Variants in ASIC5 observed in about 807,000 individuals in gnomAD.
The protein encoded by ASIC5 is bile acid-sensitive ion channel.
Under a neutral mutation model 51.2 loss-of-function variants are expected in ASIC5, and 52 were observed. The ratio of observed to expected loss-of-function variants is 1.02; its 90% confidence interval spans 0.81 to 1.28. The LOEUF (loss-of-function observed/expected upper bound fraction) is 1.28. Among genes scored for constraint, ASIC5 ranks in the 50% most tolerant of loss-of-function variants. The probability of loss-of-function intolerance (pLI) is 0.00; values close to 1 mark genes in which losing one functional copy is unlikely to be tolerated. For synonymous variants in ASIC5, 231 were observed against 200.7 expected (o/e 1.15, Z -1.28); for missense variants, 635 against 595.0 (o/e 1.07, Z -0.70).
chr4:155,859,513 G>T (rs953843943), intron 2 of ASIC5, among the ~76,000 whole-genome samples: 1 of 151,862 alleles, frequency 6.6e-6, no homozygotes, highest in Non-Finnish European at 1.5e-5. Flanking sequence ...CTTCATCTCA[G>T]GTGTCCATTT....
chr4:155,836,851 A>G lies in ASIC5; in HGVS notation c.1073T>C (p.Ile358Thr), dbSNP rs755762173. The change falls in exon 8 of 10, where the codon ATT (isoleucine) becomes ACT (threonine). Residue 358 changes from isoleucine to threonine, a missense_variant. Ile to Thr is a moderately conservative substitution (Grantham distance 89). Transcript: ENST00000537611. ...FSCVSPVLDH[I>T]EFKDLCTVGT... ...TACTGTACATAAATCCTTAAATTCA[A>G]TGTGGTCTGAAATGAAAATCAGGAC... The G allele has an allele frequency of 7.5e-6, 12 of 1,590,476 alleles. No individual in the cohort carries two copies. Among genetic ancestry groups the G allele is most frequent in the East Asian group, 4.5e-5 (2 of 44,256 alleles).
chr4:155,861,848 C>T (rs1741715457), intron 2 of ASIC5, among the ~76,000 whole-genome samples: 1 of 151,976 alleles, frequency 6.6e-6, no homozygotes. Context: ...CTTATAAGAA[C>T]TTCAGTCATT....
intron 2 of ASIC5, among the ~76,000 whole-genome samples, chr4:155,858,600 A>G (rs1038915552): frequency 2.0e-5 from 3 of 152,110 alleles, no homozygotes; most frequent in African/African-American, 7.2e-5. Context: ...AAAATCACAG[A>G]AATATCTGTG....
chr4:155,857,379 C>A (rs1294511912), intron 2 of ASIC5, among the ~76,000 whole-genome samples: 1 of 152,000 alleles, frequency 6.6e-6, no homozygotes, highest in African/African-American at 2.4e-5. Flanking sequence ...CTACCTTGGC[C>A]TCCCAAAGTG....
chr4:155,863,935 T>A (rs558096916), intron 1 of ASIC5, among the ~76,000 whole-genome samples, 181 bp from the exon 2 acceptor site: 1 of 152,318 alleles, frequency 6.6e-6, no homozygotes, highest in South Asian at 2.1e-4. Flanking sequence ...AGTGTAAGTG[T>A]TGGCTACATG....
intron 2 of ASIC5, chr4:155,855,473 C>G: frequency 6.6e-6 from 1 of 151,922 alleles, no homozygotes; most frequent in African/African-American, 2.4e-5. Context: ...CATTTGCATG[C>G]CTTCCATTCC....
At chr4:155,848,484 C>G (rs1741306056) in intron 4 of ASIC5, among the ~76,000 whole-genome samples, 1 of 151,876 alleles carries the variant, frequency 6.6e-6, no homozygotes, top group Non-Finnish European at 1.5e-5. Context: ...AATGGAAAGG[C>G]CTGTAATTCT....
Position 155,863,763 on chromosome 4 carries a change from T to A in ASIC5, c.41-9A>T, listed in dbSNP as rs1424155574. The A allele has an allele frequency of 1.3e-6, 2 of 1,593,386 alleles. No individual in the cohort carries two copies. The highest frequency in any genetic ancestry group is 1.7e-6 in the Non-Finnish European group (2 of 1,170,288). On this transcript the variant is annotated splice_polypyrimidine_tract_variant and intron_variant, in intron 1 of 9. Coordinates refer to ENST00000537611, the MANE Select transcript of ASIC5 (RefSeq NM_017419.3). Reference sequence around the variant, plus strand: ...TATCTTTTCTAAGAGTCCTTAAGGTTTTGCCCATAAAATGATTAAACAAAA... The same window carrying A: ...TATCTTTTCTAAGAGTCCTTAAGGTATTGCCCATAAAATGATTAAACAAAA...
At chr4:155,838,076 A>G (rs1236989010) in intron 7 of ASIC5, among the ~76,000 whole-genome samples, 1 of 152,206 alleles carries the variant, frequency 6.6e-6, no homozygotes, top group Non-Finnish European at 1.5e-5. Flanking sequence ...ACCTTGAAAT[A>G]TTTTACAACC....
At chr4:155,840,622 A>G (rs2111235658) in intron 6 of ASIC5, among the ~76,000 whole-genome samples, 1 of 151,746 alleles carries the variant, frequency 6.6e-6, no homozygotes, top group African/African-American at 2.4e-5. Context: ...TAACTTTGGG[A>G]GGAACTTAGT....
chr4:155,852,709 C>G (rs200301928), intron 3 of ASIC5, among the ~76,000 whole-genome samples: 2 of 137,166 alleles, frequency 1.5e-5, no homozygotes, highest in African/African-American at 2.6e-5. Flanking sequence ...TCACATGACC[C>G]TTTTACTCTC....
chr4:155,857,241 A>G (rs1190038333), intron 2 of ASIC5, among the ~76,000 whole-genome samples: 1 of 151,948 alleles, frequency 6.6e-6, no homozygotes, highest in African/African-American at 2.4e-5. Flanking sequence ...CTCCCACTTC[A>G]GCCCCCCACA....
At chr4:155,848,687 A>T (rs1184812831) in intron 4 of ASIC5, among the ~76,000 whole-genome samples, 2 of 151,936 alleles carry the variant, frequency 1.3e-5, no homozygotes, top group African/African-American at 2.4e-5. Context: ...CAGCTACAAA[A>T]CTCTAACAGG....
chr4:155,863,573 T>C lies in ASIC5; in HGVS notation c.222A>G (p.Ser74=). Residue 74 remains serine (S), a synonymous_variant, in exon 2 of 10, where the codon TCA becomes TCG. Transcript: ENST00000537611. ...GAATGTAGATCTGCCATGTCACAAG[T>C]GAGACTGAGCCCAGAACCACCACCA... ...LWLVVVLGSV[S]LVTWQIYIRL... The C allele has an allele frequency of 6.2e-7, 1 of 1,613,596 alleles. No individual in the cohort carries two copies. The highest frequency in any genetic ancestry group is 1.3e-5 in the African/African-American group (1 of 74,926).
intron 6 of ASIC5, among the ~76,000 whole-genome samples, 187 bp from the exon 7 acceptor site, chr4:155,839,056 T>C (rs1741058880): frequency 6.6e-6 from 1 of 152,136 alleles, no homozygotes. Flanking sequence ...AAAATATGTG[T>C]TGGGAGGAAG....
intron 6 of ASIC5, 82 bp downstream of exon 6, chr4:155,842,125 C>T: frequency 2.3e-6 from 3 of 1,302,074 alleles, no homozygotes. Context: ...TTTCAATACT[C>T]TATTTCTCCC....
intron 4 of ASIC5, among the ~76,000 whole-genome samples, chr4:155,845,682 A>G (rs964214208): frequency 6.6e-6 from 1 of 152,188 alleles, no homozygotes; most frequent in Middle Eastern, 3.4e-3. Flanking sequence ...TATCTAAATA[A>G]GATTGGTCTC....
At chr4:155,850,892 T>G (rs889825963) in intron 4 of ASIC5, among the ~76,000 whole-genome samples, 1 of 152,052 alleles carries the variant, frequency 6.6e-6, no homozygotes, top group Non-Finnish European at 1.5e-5. Context: ...TGTCATTAGT[T>G]GTAATTTTAG....
chr4:155,864,283 G>T (rs1741801986), intron 1 of ASIC5, among the ~76,000 whole-genome samples: 2 of 152,040 alleles, frequency 1.3e-5, no homozygotes, highest in African/African-American at 4.8e-5. Flanking sequence ...TATTTTGTTG[G>T]TTGTTTAGTC....
Sources: allele counts gnomAD v4.1 joint callset (sites outside exome capture counted in the v4.1 genomes callset), GRCh38; gene constraint gnomAD v4.1.1; transcripts MANE v1.5; gene names NCBI Gene and HGNC (gene_info 2026-07-23, HGNC 2026-07-21).